CCSER1: variants seen among roughly 807,000 people sequenced by gnomAD.
CCSER1 encodes serine-rich coiled-coil domain-containing protein 1.
CCSER1 carries 41 observed loss-of-function variants against 82.0 expected under a neutral mutation model. The observed-to-expected ratio is 0.50, with a 90% CI of 0.39 to 0.65. The LOEUF (loss-of-function observed/expected upper bound fraction) is 0.65, where lower values mean the gene tolerates loss of function less well. CCSER1 is among the 30% of genes least tolerant of loss of function. The probability of loss-of-function intolerance (pLI) is 0.00; values close to 1 mark genes in which losing one functional copy is unlikely to be tolerated. For missense variants in CCSER1, 1,119 were observed against 1,064.2 expected (o/e 1.05, Z -0.72); for synonymous variants, 414 against 383.9 (o/e 1.08, Z -0.92).
At chr4:90,783,058 C>T (rs1034524162) in intron 7 of CCSER1, among the ~76,000 whole-genome samples, 2 of 152,142 alleles carry the variant, frequency 1.3e-5, no homozygotes, top group Admixed American at 6.5e-5. Context: ...TCTCCTGCCT[C>T]AGCCTCCCGA....
At chr4:91,341,578 G>T (rs372932827) in intron 10 of CCSER1, among the ~76,000 whole-genome samples, 20 of 152,196 alleles carry the variant, frequency 1.3e-4, no homozygotes, top group African/African-American at 4.6e-4. Context: ...TTGAGACAGG[G>T]TCTCACTCTG....
rs370921809 is a variant in CCSER1, at chr4:91,539,496, C to T, written c.2218-59076C>T. On this transcript the variant is annotated intron_variant, in intron 10 of 10. Coordinates refer to ENST00000509176, the MANE Select transcript of CCSER1 (RefSeq NM_001145065.2). ...AAGTGCTGCTATTTTACTGGGATTT[C>T]AATAAAATTTATCTCAAACATCCTA... Among the ~76,000 whole-genome samples the T allele has an allele frequency of 3.3e-5, 5 of 151,944 alleles. No individual in the cohort carries two copies. The East Asian group carries it at 5.8e-4, about 18-fold the overall frequency.
chr4:90,407,924 T>A (rs1428324760), intron 4 of CCSER1, among the ~76,000 whole-genome samples: 1 of 151,994 alleles, frequency 6.6e-6, no homozygotes, highest in Non-Finnish European at 1.5e-5. Flanking sequence ...GAAAATCGGG[T>A]CACTCCTACC....
chr4:91,215,154 A>G (rs1439495628), intron 10 of CCSER1, among the ~76,000 whole-genome samples: 2 of 152,182 alleles, frequency 1.3e-5, no homozygotes, highest in Non-Finnish European at 2.9e-5. Flanking sequence ...TTGTACCTAT[A>G]TATGGTGAGC....
intron 1 of CCSER1, among the ~76,000 whole-genome samples, chr4:90,226,238 G>A (rs7695098): frequency 0.65 from 99,511 of 152,200 alleles, 35,039 homozygotes; most frequent in African/African-American, 0.91. Context: ...GCCTTGCTCA[G>A]ATTGTAAAAT....
At chr4:90,877,407 T>A (rs954924279) in intron 8 of CCSER1, among the ~76,000 whole-genome samples, 1 of 152,080 alleles carries the variant, frequency 6.6e-6, no homozygotes, top group Admixed American at 6.6e-5. Context: ...GAAAGTATAA[T>A]CAATTGAAAA....
intron 10 of CCSER1, among the ~76,000 whole-genome samples, chr4:91,109,288 A>G (rs759278846): frequency 4.6e-5 from 7 of 152,052 alleles, no homozygotes; most frequent in Middle Eastern, 3.2e-3. Context: ...ATCCCCTCTC[A>G]TCTATCTATC....
chr4:90,303,988 G>T (rs536440603), intron 1 of CCSER1, among the ~76,000 whole-genome samples: 33 of 152,232 alleles, frequency 2.2e-4, no homozygotes, highest in African/African-American at 7.5e-4. Context: ...AAAAGTGGGC[G>T]AAGGACATGA....
At chr4:90,541,479 A>C (rs1340579829) in intron 5 of CCSER1, among the ~76,000 whole-genome samples, 1 of 152,112 alleles carries the variant, frequency 6.6e-6, no homozygotes, top group Non-Finnish European at 1.5e-5. Flanking sequence ...GATCTGGAGC[A>C]AGTTACTTAA....
intron 10 of CCSER1, among the ~76,000 whole-genome samples, chr4:91,582,482 A>G (rs921356022): frequency 6.6e-6 from 1 of 151,568 alleles, no homozygotes; most frequent in Non-Finnish European, 1.5e-5. Context: ...TTTGGGATTT[A>G]CTATTGCTCA....
At chr4:91,467,493 A>T (rs759809170) in intron 10 of CCSER1, among the ~76,000 whole-genome samples, 18 of 152,214 alleles carry the variant, frequency 1.2e-4, no homozygotes, top group Middle Eastern at 6.8e-3. Context: ...ATGCCAAAAT[A>T]GACAAATGGG....
intron 10 of CCSER1, among the ~76,000 whole-genome samples, chr4:91,294,349 G>A (rs1578135378): frequency 6.6e-6 from 1 of 151,820 alleles, no homozygotes; most frequent in South Asian, 2.1e-4. Context: ...AAATTCTAGT[G>A]GAGACTTAAT....
At chr4:90,400,764 T>C (rs1401992834) in intron 4 of CCSER1, among the ~76,000 whole-genome samples, 1 of 152,176 alleles carries the variant, frequency 6.6e-6, no homozygotes, top group Non-Finnish European at 1.5e-5. Context: ...AATTACTCTC[T>C]TTAAAGTTGG....
chr4:91,221,310 A>C (rs1737722607), intron 10 of CCSER1, among the ~76,000 whole-genome samples: 1 of 152,176 alleles, frequency 6.6e-6, no homozygotes. Flanking sequence ...CTATTTTACT[A>C]TAAATATGAT....
intron 7 of CCSER1, among the ~76,000 whole-genome samples, chr4:90,800,725 C>G (rs887901829): frequency 5.1e-5 from 7 of 137,610 alleles, no homozygotes; most frequent in Admixed American, 2.2e-4. Flanking sequence ...TTTAATGAAA[C>G]CCATGGGTTT....
intron 10 of CCSER1, among the ~76,000 whole-genome samples, chr4:91,236,497 AAG>A (rs1220946929): frequency 6.6e-6 from 1 of 152,052 alleles, no homozygotes; most frequent in Non-Finnish European, 1.5e-5. Flanking sequence ...ACAAAACAAA[AAG>A]AAAAAAAAAT....
intron 10 of CCSER1, among the ~76,000 whole-genome samples, chr4:91,461,538 C>G (rs1718793791): frequency 6.6e-6 from 1 of 152,096 alleles, no homozygotes; most frequent in African/African-American, 2.4e-5. Flanking sequence ...AAACCCCTTA[C>G]CAGGACGTCC....
intron 9 of CCSER1, among the ~76,000 whole-genome samples, chr4:91,020,591 G>A (rs1739858943): frequency 6.6e-6 from 1 of 152,160 alleles, no homozygotes; most frequent in South Asian, 2.1e-4. Context: ...GAACCCAGAA[G>A]GCGGGGCTTG....
intron 9 of CCSER1, among the ~76,000 whole-genome samples, chr4:91,034,320 C>G (rs1246117711): frequency 6.6e-6 from 1 of 152,124 alleles, no homozygotes; most frequent in Non-Finnish European, 1.5e-5. Flanking sequence ...CAAAATGCCA[C>G]TTGTTTACTT....
Sources: gnomAD v4.1 joint callset for allele counts (sites outside exome capture counted in the v4.1 genomes callset) on GRCh38, gnomAD v4.1.1 for gene constraint, MANE v1.5 for transcripts, NCBI Gene and HGNC (gene_info 2026-07-23, HGNC 2026-07-21) for gene names.